SCHIP1: variants seen among roughly 807,000 people sequenced by gnomAD.
SCHIP1 encodes the protein schwannomin-interacting protein 1.
A neutral mutation model predicts 29.7 loss-of-function variants in SCHIP1; 8 were observed. That is an observed-to-expected ratio of 0.27 (90% CI 0.16 to 0.49). SCHIP1 has a LOEUF of 0.49. Ranked by LOEUF, SCHIP1 falls within the 20% of genes least tolerant of loss-of-function variation. SCHIP1 has a pLI of 0.99. For missense variants in SCHIP1, 193 were observed against 294.6 expected (o/e 0.66, Z 2.52); for synonymous variants, 76 against 94.9 (o/e 0.80, Z 1.16).
At chr3:159,788,765 AAACATATG>A in the SCHIP1 span, among the ~76,000 whole-genome samples, 1 of 152,238 alleles carries the variant, frequency 6.6e-6, no homozygotes, top group Non-Finnish European at 1.5e-5. Flanking sequence ...TACATGCATT[AAACATATG>A]AACATATGAA....
chr3:159,386,083 T>A, the SCHIP1 span, among the ~76,000 whole-genome samples: 2 of 152,218 alleles, frequency 1.3e-5, no homozygotes, highest in Non-Finnish European at 2.9e-5. Flanking sequence ...ATTTTCTTTA[T>A]CTAGTCTATC....
chr3:159,652,278 G>A, the SCHIP1 span, among the ~76,000 whole-genome samples: 1 of 151,972 alleles, frequency 6.6e-6, no homozygotes, highest in African/African-American at 2.4e-5. Flanking sequence ...CTTTAGTAAG[G>A]CATTTTTTGC....
At chr3:159,302,854 C>T in the SCHIP1 span, among the ~76,000 whole-genome samples, 1 of 152,138 alleles carries the variant, frequency 6.6e-6, no homozygotes, top group East Asian at 1.9e-4. Context: ...CAAACTGAGA[C>T]CGGTGGTTAT....
At chr3:159,781,322 C>T in the SCHIP1 span, among the ~76,000 whole-genome samples, 20,733 of 152,036 alleles carry the variant, frequency 0.14, 1,638 homozygotes, top group Middle Eastern at 0.29. Flanking sequence ...ATTACAGGTG[C>T]ACACCACCAC....
At chr3:159,392,113 G>A in the SCHIP1 span, among the ~76,000 whole-genome samples, 1 of 152,098 alleles carries the variant, frequency 6.6e-6, no homozygotes, top group Non-Finnish European at 1.5e-5. Context: ...ATCTTTGGAA[G>A]CACCTCAGAG....
the SCHIP1 span, among the ~76,000 whole-genome samples, chr3:159,798,098 T>C: frequency 6.6e-6 from 1 of 152,350 alleles, no homozygotes; most frequent in South Asian, 2.1e-4. Context: ...AACTCTATTT[T>C]GGTTTTGGTC....
At chr3:159,521,209 A>T in the SCHIP1 span, among the ~76,000 whole-genome samples, 2 of 152,228 alleles carry the variant, frequency 1.3e-5, no homozygotes, top group Non-Finnish European at 2.9e-5. Context: ...TATAGTCAGC[A>T]TACAGAGATG....
chr3:159,527,440 A>G, the SCHIP1 span, among the ~76,000 whole-genome samples: 1 of 152,202 alleles, frequency 6.6e-6, no homozygotes, highest in Admixed American at 6.5e-5. Flanking sequence ...AGCAGAGAAG[A>G]TCTCTGCGCC....
the SCHIP1 span, among the ~76,000 whole-genome samples, chr3:159,669,732 C>T: frequency 6.6e-6 from 1 of 152,136 alleles, no homozygotes; most frequent in East Asian, 1.9e-4. Context: ...AATATTAGAC[C>T]ATTCCATGAC....
chr3:159,651,225 AGAG>A, the SCHIP1 span, among the ~76,000 whole-genome samples: 9 of 152,228 alleles, frequency 5.9e-5, no homozygotes, highest in African/African-American at 1.9e-4. Context: ...GAGTAGAATT[AGAG>A]GAGGAAGCAA....
chr3:159,447,824 C>T, the SCHIP1 span, among the ~76,000 whole-genome samples: 2 of 152,196 alleles, frequency 1.3e-5, no homozygotes, highest in Non-Finnish European at 2.9e-5. Context: ...CTTCTCCTAA[C>T]TCCCAACTGT....
the SCHIP1 span, among the ~76,000 whole-genome samples, chr3:159,659,650 A>C: frequency 6.6e-6 from 1 of 152,234 alleles, no homozygotes; most frequent in Non-Finnish European, 1.5e-5. Context: ...TGTGCTAAGA[A>C]GACTGACAAT....
At chr3:159,331,105 C>A in the SCHIP1 span, among the ~76,000 whole-genome samples, 1 of 152,066 alleles carries the variant, frequency 6.6e-6, no homozygotes, top group East Asian at 1.9e-4. Flanking sequence ...GGAAAGTGTC[C>A]CATAGGCCCT....
At chr3:159,505,401 AAGG>A in the SCHIP1 span, among the ~76,000 whole-genome samples, 2 of 152,206 alleles carry the variant, frequency 1.3e-5, no homozygotes, top group East Asian at 3.9e-4. Flanking sequence ...AACAATTACG[AAGG>A]AGAACAAGGT....
the SCHIP1 span, among the ~76,000 whole-genome samples, chr3:159,403,042 A>G: frequency 6.6e-6 from 1 of 152,200 alleles, no homozygotes; most frequent in African/African-American, 2.4e-5. Context: ...AACTAGCATC[A>G]TGGAAGACCA....
the SCHIP1 span, among the ~76,000 whole-genome samples, chr3:159,475,404 G>A: frequency 1.3e-5 from 2 of 152,142 alleles, no homozygotes; most frequent in Non-Finnish European, 2.9e-5. Context: ...TAGGTTAGTG[G>A]TTGCCAGGGG....
At chr3:159,498,630 CA>C in the SCHIP1 span, among the ~76,000 whole-genome samples, 1 of 151,534 alleles carries the variant, frequency 6.6e-6, no homozygotes, top group Non-Finnish European at 1.5e-5. Context: ...TACGTATCTT[CA>C]AAATACCTTT....
the SCHIP1 span, among the ~76,000 whole-genome samples, chr3:159,797,657 C>T: frequency 6.6e-6 from 1 of 151,968 alleles, no homozygotes; most frequent in East Asian, 1.9e-4. Context: ...ACTGCAAGCT[C>T]TGCCTCCCAG....
rs2306063 is a variant in SCHIP1 at position 159,888,927 on chromosome 3, C to T, written c.573C>T (p.Leu191=). ...AGCTACAAGTGATAGTCAATGATCT[C>T]CATTCCCAGATAGAAAGTAAGTGTA... The change falls in exon 5 of 7, where the codon CTC becomes CTT. Residue 191 remains leucine (L), a synonymous_variant. Transcript: ENST00000445224. The T allele has an allele frequency of 2.3e-4, 377 of 1,613,900 alleles. 6 individuals are homozygous for T. In the East Asian group the frequency reaches 5.4e-3, roughly 23 times the overall value.
Sources: gnomAD v4.1 joint callset for allele counts (sites outside exome capture counted in the v4.1 genomes callset) on GRCh38, gnomAD v4.1.1 for gene constraint, MANE v1.5 for transcripts, NCBI Gene and HGNC (gene_info 2026-07-23, HGNC 2026-07-21) for gene names.